METTL15: variants seen among roughly 807,000 people sequenced by gnomAD.
METTL15 encodes methyltransferase 15, mitochondrial 12S rRNA N4-cytidine, also known as 12S rRNA N(4)-cytidine methyltransferase METTL15.
METTL15 carries 34 observed loss-of-function variants against 38.3 expected under a neutral mutation model. The ratio of observed to expected loss-of-function variants is 0.89; its 90% CI spans 0.68 to 1.18. The LOEUF (loss-of-function observed/expected upper bound fraction) is 1.18, where lower values mean the gene tolerates loss of function less well. METTL15 is among the 50% of genes most tolerant of loss of function. The probability of loss-of-function intolerance (pLI) is 0.00; values close to 1 mark genes in which losing one functional copy is unlikely to be tolerated. For missense variants in METTL15, 438 were observed against 498.4 expected (o/e 0.88, Z 1.15); for synonymous variants, 162 against 170.9 (o/e 0.95, Z 0.41).
chr11:28,397,160 C>T (rs985318501), intron 5 of METTL15, among the ~76,000 whole-genome samples: 3 of 152,028 alleles, frequency 2.0e-5, no homozygotes, highest in African/African-American at 7.2e-5. Context: ...CTAGGCAATA[C>T]CATTCAGGAC....
intron 6 of METTL15, among the ~76,000 whole-genome samples, chr11:28,305,322 C>T (rs1008742729): frequency 3.9e-5 from 6 of 151,950 alleles, no homozygotes; most frequent in Non-Finnish European, 8.8e-5. Flanking sequence ...ACTAATTAGC[C>T]CAACCCTAAT....
At position 28,139,161 on chromosome 11, in the gene METTL15, C is replaced by T. The variant is rs188746276; in HGVS notation, c.270+25557C>T. On this transcript the variant is annotated intron_variant, in intron 3 of 6. Transcript: ENST00000407364. Reference sequence around the variant, plus strand: ...GCAGTTTAAGGTTTGGGGAAACTAACTTTTCCTACTTTGGGGGATATATCT... The same window carrying T: ...GCAGTTTAAGGTTTGGGGAAACTAATTTTTCCTACTTTGGGGGATATATCT... 1.6e-4 allele frequency among the ~76,000 whole-genome samples: 25 copies of T among 152,268 alleles called. 1 individual carries two copies. Among genetic ancestry groups the T allele is most frequent in the African/African-American group, 5.8e-4 (24 of 41,556 alleles).
chr11:28,391,616 G>T (rs1379520618), intron 5 of METTL15, among the ~76,000 whole-genome samples: 1 of 152,048 alleles, frequency 6.6e-6, no homozygotes, highest in Non-Finnish European at 1.5e-5. Context: ...CCAAAACAGA[G>T]ATATAGACCA....
At chr11:28,391,405 T>A (rs905852772) in intron 5 of METTL15, among the ~76,000 whole-genome samples, 1 of 152,098 alleles carries the variant, frequency 6.6e-6, no homozygotes, top group Non-Finnish European at 1.5e-5. Context: ...ATACGTCCCA[T>A]CAATACCTAT....
intron 4 of METTL15, among the ~76,000 whole-genome samples, chr11:28,216,195 A>T (rs1206426942): frequency 6.6e-6 from 1 of 152,136 alleles, no homozygotes; most frequent in African/African-American, 2.4e-5. Context: ...TTTTTGAATT[A>T]AAAAGTAAGA....
chr11:28,248,880 A>C (rs550026444), intron 4 of METTL15, among the ~76,000 whole-genome samples: 1 of 152,164 alleles, frequency 6.6e-6, no homozygotes, highest in South Asian at 2.1e-4. Context: ...CACAAAACTC[A>C]ATACCTCTAA....
chr11:28,415,389 C>G (rs1850764270), intron 5 of METTL15, among the ~76,000 whole-genome samples: 1 of 152,116 alleles, frequency 6.6e-6, no homozygotes, highest in Non-Finnish European at 1.5e-5. Context: ...GGGAATATAG[C>G]TATGAATCCA....
chr11:28,303,215 A>G (rs1856970568), intron 6 of METTL15, among the ~76,000 whole-genome samples: 1 of 152,180 alleles, frequency 6.6e-6, no homozygotes, highest in Non-Finnish European at 1.5e-5. Context: ...TCTTTGTTCA[A>G]GTCCTGGTTC....
rs1351390901 is a variant in METTL15, at chr11:28,218,148, T to C, written c.407+6950T>C. On this transcript the variant is annotated intron_variant, in intron 4 of 6. Coordinates refer to ENST00000407364, the MANE Select transcript of METTL15 (RefSeq NM_001113528.2). The stretch of plus-strand genomic sequence containing the variant: ...CATTGAATCTATAAATTACCTTGGA[T>C]AGTGTGGCCATTTTCACTATATTGA... Among the ~76,000 whole-genome samples, 13 of 152,232 alleles carry C rather than the reference T, an allele frequency of 8.5e-5. No individual in the cohort carries two copies. In the East Asian group the frequency reaches 2.5e-3, roughly 29 times the overall value.
intron 4 of METTL15, among the ~76,000 whole-genome samples, chr11:28,281,607 T>C (rs753675030): frequency 1.3e-5 from 2 of 152,244 alleles, no homozygotes; most frequent in Non-Finnish European, 2.9e-5. Flanking sequence ...GTTAAACTGC[T>C]GTAAACAGAA....
intron 3 of METTL15, among the ~76,000 whole-genome samples, chr11:28,130,260 G>T (rs574317221): frequency 1.3e-5 from 2 of 152,060 alleles, no homozygotes; most frequent in Non-Finnish European, 2.9e-5. Flanking sequence ...GCAGTAAGCC[G>T]TGATCACACC....
chr11:28,289,357 C>T (rs1856417176), intron 4 of METTL15, among the ~76,000 whole-genome samples: 1 of 152,130 alleles, frequency 6.6e-6, no homozygotes, highest in South Asian at 2.1e-4. Context: ...CCTTAAACAA[C>T]ATACCATGTA....
At chr11:28,494,718 C>T (rs1851522426) in intron 6 of METTL15, among the ~76,000 whole-genome samples, 1 of 152,094 alleles carries the variant, frequency 6.6e-6, no homozygotes, top group African/African-American at 2.4e-5. Context: ...ATGAGTATGT[C>T]TCATGAGATC....
intron 4 of METTL15, among the ~76,000 whole-genome samples, chr11:28,219,726 CT>C (rs1853098210): frequency 6.6e-6 from 1 of 151,946 alleles, no homozygotes; most frequent in Admixed American, 6.6e-5. Context: ...CTACACACTG[CT>C]TTAAATGTGT....
At chr11:28,237,413 A>G (rs1281032287) in intron 4 of METTL15, among the ~76,000 whole-genome samples, 2 of 152,004 alleles carry the variant, frequency 1.3e-5, no homozygotes, top group Non-Finnish European at 2.9e-5. Flanking sequence ...AGGCTTCTGC[A>G]TTCTTCACGT....
chr11:28,433,168 TTTTG>T (rs1850950592), intron 6 of METTL15, among the ~76,000 whole-genome samples: 2 of 114,262 alleles, frequency 1.8e-5, no homozygotes, highest in Non-Finnish European at 4.5e-5. Context: ...GTTTTGTTTT[TTTTG>T]TTTTTTTTTG....
chr11:28,356,367 A>C lies in METTL15; in HGVS notation c.*258+4209A>C, dbSNP rs571620915. On this transcript the variant is annotated intron_variant and NMD_transcript_variant, in intron 4 of 7. Transcript: ENST00000532947. ...GCACAGTGCCTGGCATGCAGTAGAC[A>C]CTCAATATTTGTCAAATGAGTGACA... Among the ~76,000 whole-genome samples, 9 of 152,218 alleles carry C rather than the reference A, an allele frequency of 5.9e-5. No homozygotes were observed. The South Asian group carries it at 6.2e-4, about 11-fold the overall frequency.
intron 3 of METTL15, among the ~76,000 whole-genome samples, chr11:28,194,186 C>T (rs939050498): frequency 0.03 from 365 of 12,278 alleles, no homozygotes; most frequent in Middle Eastern, 0.094. Flanking sequence ...TTCTCTCTCT[C>T]TCTCTCCTCT....
At chr11:28,529,940 T>A (rs1478782346), downstream of METTL15, among the ~76,000 whole-genome samples, 1 of 152,052 alleles carries the variant, frequency 6.6e-6, no homozygotes, top group African/African-American at 2.4e-5. Flanking sequence ...CAGCAGAAAA[T>A]AGCTCCATAA....
Sources: allele counts gnomAD v4.1 joint callset (sites outside exome capture counted in the v4.1 genomes callset), GRCh38; gene constraint gnomAD v4.1.1; transcripts MANE v1.5; gene names NCBI Gene and HGNC (gene_info 2026-07-23, HGNC 2026-07-21).